SOX6: variants seen among roughly 807,000 people sequenced by gnomAD.
SOX6 encodes SRY-box transcription factor 6.
In SOX6, 11 loss-of-function variants were observed where a neutral mutation model predicts 97.8. The ratio of observed to expected loss-of-function variants is 0.11; its 90% CI spans 0.07 to 0.19. The LOEUF (loss-of-function observed/expected upper bound fraction) is 0.19. Among genes scored for constraint, SOX6 ranks in the 10% least tolerant of loss-of-function variants. SOX6 has a pLI of 1.00. For synonymous variants in SOX6, 360 were observed against 371.4 expected, an observed-to-expected ratio of 0.97 and a Z score of 0.35; for missense variants, 810 against 1,039.5, an observed-to-expected ratio of 0.78 and a Z score of 3.04.
At chr11:16,633,977 A>G (rs1467543966) in intron 3 of SOX6, among the ~76,000 whole-genome samples, 1 of 152,240 alleles carries the variant, frequency 6.6e-6, no homozygotes, top group Non-Finnish European at 1.5e-5. Context: ...TCAATCTACA[A>G]TTTCTTGACA....
chr11:16,619,540 A>G (rs930457123), intron 3 of SOX6, among the ~76,000 whole-genome samples: 1 of 152,048 alleles, frequency 6.6e-6, no homozygotes, highest in Non-Finnish European at 1.5e-5. Flanking sequence ...CTAATAAATG[A>G]CAGAAATATG....
At chr11:16,385,614 T>G (rs1196850131) in intron 1 of SOX6, among the ~76,000 whole-genome samples, 2 of 152,116 alleles carry the variant, frequency 1.3e-5, no homozygotes, top group Non-Finnish European at 2.9e-5. Flanking sequence ...TGGGAGCATA[T>G]TTTAATCCAT....
At chr11:16,338,565 T>C (rs1012064303) in intron 2 of SOX6, among the ~76,000 whole-genome samples, 3 of 152,056 alleles carry the variant, frequency 2.0e-5, no homozygotes, top group Non-Finnish European at 4.4e-5. Context: ...ATTTCCCATT[T>C]GTTAAATCCT....
intron 1 of SOX6, among the ~76,000 whole-genome samples, chr11:16,391,233 AT>A (rs1373335017): frequency 2.0e-5 from 3 of 152,134 alleles, no homozygotes; most frequent in African/African-American, 7.2e-5. Flanking sequence ...GAAATACCTA[AT>A]GTAGGTGACA....
At chr11:16,342,523 C>G (rs1280359349) in intron 1 of SOX6, among the ~76,000 whole-genome samples, 1 of 151,728 alleles carries the variant, frequency 6.6e-6, no homozygotes, top group East Asian at 1.9e-4. Flanking sequence ...TTTCTACAGA[C>G]AAATAAATAC....
intron 3 of SOX6, among the ~76,000 whole-genome samples, chr11:16,265,879 G>A (rs1854070899): frequency 6.8e-6 from 1 of 146,846 alleles, no homozygotes; most frequent in Non-Finnish European, 1.5e-5. Context: ...TGACATAGCA[G>A]TAGAAACTAT....
At chr11:16,420,374 C>A (rs553322922) in intron 1 of SOX6, among the ~76,000 whole-genome samples, 2 of 152,044 alleles carry the variant, frequency 1.3e-5, no homozygotes, top group Non-Finnish European at 2.9e-5. Context: ...CAACAGCAGC[C>A]GACTACATTT....
chr11:16,407,308 A>G (rs570037002), intron 1 of SOX6, among the ~76,000 whole-genome samples: 3 of 152,252 alleles, frequency 2.0e-5, no homozygotes, highest in East Asian at 3.9e-4. Flanking sequence ...TCACATCTCT[A>G]TGCTTCCTCC....
At chr11:16,192,194 G>A (rs1851650275) in intron 4 of SOX6, among the ~76,000 whole-genome samples, 1 of 152,152 alleles carries the variant, frequency 6.6e-6, no homozygotes, top group African/African-American at 2.4e-5. Context: ...TGGCATTTTA[G>A]AACTGAATTA....
intron 1 of SOX6, among the ~76,000 whole-genome samples, chr11:16,441,124 C>T (rs1859496198): frequency 2.0e-5 from 3 of 152,114 alleles, no homozygotes; most frequent in Admixed American, 2.0e-4. Flanking sequence ...GCTGCCCTCT[C>T]TTCCTGCTTA....
intron 1 of SOX6, among the ~76,000 whole-genome samples, chr11:16,442,942 C>G (rs187948879): frequency 6.6e-6 from 1 of 152,236 alleles, no homozygotes; most frequent in East Asian, 1.9e-4. Context: ...TAATCAAGTG[C>G]ACCACCAAAA....
intron 4 of SOX6, among the ~76,000 whole-genome samples, chr11:16,206,111 T>C (rs1474502816): frequency 6.6e-6 from 1 of 152,166 alleles, no homozygotes; most frequent in Non-Finnish European, 1.5e-5. Flanking sequence ...TACACACATA[T>C]ACACATTTAT....
intron 1 of SOX6, among the ~76,000 whole-genome samples, chr11:16,374,509 C>T (rs572182778): frequency 5.1e-4 from 78 of 152,080 alleles, no homozygotes; most frequent in Non-Finnish European, 8.5e-4. Context: ...AAATATCACA[C>T]GTGGAATACA....
chr11:16,080,499 T>C (rs1466647461), intron 9 of SOX6, among the ~76,000 whole-genome samples: 1 of 152,164 alleles, frequency 6.6e-6, no homozygotes, highest in Non-Finnish European at 1.5e-5. Context: ...GCTTAAAACA[T>C]AGGCACATTA....
chr11:16,385,288 C>A (rs1379273149), intron 1 of SOX6, among the ~76,000 whole-genome samples: 1 of 152,046 alleles, frequency 6.6e-6, no homozygotes, highest in Non-Finnish European at 1.5e-5. Flanking sequence ...CTAATTGTCA[C>A]TTTAGCTGAC....
intron 6 of SOX6, among the ~76,000 whole-genome samples, chr11:16,112,661 CA>C (rs550666987): frequency 3.8e-4 from 58 of 152,128 alleles, no homozygotes; most frequent in African/African-American, 1.3e-3. Context: ...TCAAAGAGCA[CA>C]AAAAATGCAA....
chr11:16,423,630 G>A (rs1859063922), intron 1 of SOX6, among the ~76,000 whole-genome samples: 1 of 152,080 alleles, frequency 6.6e-6, no homozygotes, highest in South Asian at 2.1e-4. Context: ...AATAAAAAAG[G>A]CTGAAAAGGA....
At chr11:16,260,890 A>G (rs1853868247) in intron 3 of SOX6, among the ~76,000 whole-genome samples, 1 of 152,060 alleles carries the variant, frequency 6.6e-6, no homozygotes. Context: ...CATACTACAC[A>G]GTCTTATTGT....
intron 3 of SOX6, among the ~76,000 whole-genome samples, chr11:16,236,102 C>T (rs1302239350): frequency 6.6e-6 from 1 of 151,958 alleles, no homozygotes; most frequent in Admixed American, 6.6e-5. Context: ...TTCCTTCCTT[C>T]CTACCTTCCT....
Sources: allele counts gnomAD v4.1 joint callset (sites outside exome capture counted in the v4.1 genomes callset), GRCh38; gene constraint gnomAD v4.1.1; transcripts MANE v1.5; gene names NCBI Gene and HGNC (gene_info 2026-07-23, HGNC 2026-07-21).